The following DUOX1 variants were observed in gnomAD, a reference collection of about 807,000 sequenced individuals.
DUOX1 encodes dual oxidase 1, also known as NADPH thyroid oxidase 1.
In DUOX1, 134 loss-of-function variants were observed where a neutral mutation model predicts 181.8. The ratio of observed to expected loss-of-function variants is 0.74; its 90% CI spans 0.64 to 0.85. The LOEUF is 0.85. Ranked by LOEUF, DUOX1 falls within the 40% of genes least tolerant of loss-of-function variation. The probability of loss-of-function intolerance (pLI) is 0.00; values close to 1 mark genes in which losing one functional copy is unlikely to be tolerated. For missense variants in DUOX1, 1,814 were observed against 2,064.4 expected (o/e 0.88, Z 2.35); for synonymous variants, 798 against 832.5 (o/e 0.96, Z 0.71).
At chr15:45,162,416 T>C (rs774594824) in intron 31 of DUOX1, 39 bp downstream of exon 31, 27 of 1,596,864 alleles carry the variant, frequency 1.7e-5, no homozygotes, top group Non-Finnish European at 2.2e-5. Context: ...CCATGGCCCC[T>C]TCTTCCTTGT....
Position 45,153,972 on chromosome 15 carries a change from T to C in DUOX1, c.3546T>C (p.Tyr1182=). The change falls in exon 27 of 34, where the codon TAT becomes TAC. Residue 1182 remains tyrosine (Y), a synonymous_variant. Coordinates refer to ENST00000389037, the MANE Select transcript of DUOX1 (RefSeq NM_175940.3). ...ACAGGTCTGAGCTCCCCCAGAAGTATTACTGGTGGTTCTTCCAGACCGTAC... is the reference window on the plus strand; with the variant it reads ...ACAGGTCTGAGCTCCCCCAGAAGTACTACTGGTGGTTCTTCCAGACCGTAC... ...HDDGSELPQK[Y]YWWFFQTVPG... is the part of the protein sequence containing the mutation. 6.2e-7 allele frequency: 1 copy of C among 1,613,374 alleles called. No individual in the cohort carries two copies. The highest frequency in any genetic ancestry group is 8.5e-7 in the Non-Finnish European group (1 of 1,179,404).
intron 5 of DUOX1, 89 bp from the exon 6 acceptor site, chr15:45,135,385 C>T: frequency 6.7e-7 from 1 of 1,499,426 alleles, no homozygotes; most frequent in African/African-American, 1.4e-5. Flanking sequence ...GAGGCGCCCA[C>T]TCCCCAGCCG....
intron 28 of DUOX1, among the ~76,000 whole-genome samples, chr15:45,159,076 A>C (rs1239316633): frequency 6.6e-5 from 10 of 152,200 alleles, no homozygotes; most frequent in Admixed American, 4.6e-4. Context: ...GGTAAAAGGA[A>C]GGGCATGAGC....
chr15:45,130,844 G>A (rs1008177191), intron 1 of DUOX1, among the ~76,000 whole-genome samples: 43 of 152,200 alleles, frequency 2.8e-4, no homozygotes, highest in African/African-American at 9.9e-4. Flanking sequence ...ATGACATCTT[G>A]GGATCAGGGA....
intron 29 of DUOX1, among the ~76,000 whole-genome samples, 167 bp from the exon 30 acceptor site, chr15:45,161,571 C>A (rs866273435): frequency 4.6e-5 from 7 of 152,064 alleles, no homozygotes; most frequent in Admixed American, 2.6e-4. Context: ...CCTGGCTGAC[C>A]CTCAGCCCCA....
At chr15:45,153,779 G>T in intron 26 of DUOX1, 172 bp from the exon 27 acceptor site, 5 of 655,486 alleles carry the variant, frequency 7.6e-6, no homozygotes, top group Non-Finnish European at 1.1e-5. Context: ...CCCAGCTACT[G>T]GGGAGGCTGA....
intron 21 of DUOX1, 62 bp downstream of exon 21, chr15:45,148,509 A>G (rs1896719720): frequency 3.9e-6 from 6 of 1,522,468 alleles, no homozygotes; most frequent in South Asian, 1.3e-5. Context: ...CAATGCCCAC[A>G]TACTTTTAGG....
chr15:45,137,360 C>CAAAAAAAAAAA (rs748162336), intron 9 of DUOX1, among the ~76,000 whole-genome samples: 1 of 46,472 alleles, frequency 2.2e-5, no homozygotes, highest in Non-Finnish European at 3.6e-5. Flanking sequence ...AACTCCATCT[C>CAAAAAAAAAAA]AAAAAAAAAA....
In DUOX1 at chr15:45,144,062, C is replaced by T. The variant is rs779269981; in HGVS notation, c.1963C>T (p.Pro655Ser). The T allele has an allele frequency of 7.4e-6, 12 of 1,614,034 alleles. No homozygotes were observed. In the South Asian group the frequency reaches 1.2e-4, roughly 16 times the overall value. The change falls in exon 17 of 34, where the codon CCC becomes TCC. Residue 655 changes from proline to serine, a missense_variant. Physicochemically the swap from Pro to Ser is moderately conservative, Grantham distance 74 (BLOSUM62 -1). Coordinates refer to ENST00000389037, the MANE Select transcript of DUOX1 (RefSeq NM_175940.3). ...TTTGGAATGGCAAGGCCACAAGGAG[C>T]CCTGCCGGCCCGTGCTTGTGTACCT... The part of the protein sequence containing the change: ...EALEWQGHKE[P>S]CRPVLVYLQP...
rs756922124 is a variant in DUOX1, at chr15:45,163,675, G to A, written c.4392G>A (p.Arg1464=). The A allele has an allele frequency of 6.2e-7, 1 of 1,613,980 alleles. No individual in the cohort carries two copies. The highest frequency in any genetic ancestry group is 1.3e-5 in the African/African-American group (1 of 74,888). ...AGCTGGCTGAGAAGTTCGACCTCAG[G>A]ACCACTATGCTGGTATGTCAGGGCC... is the stretch of plus-strand genomic sequence containing the variant. ...ITQLAEKFDL[R]TTMLYICERH... Residue 1464 remains arginine, a synonymous_variant, in exon 32 of 34, where the codon AGG becomes AGA. Transcript: ENST00000389037.
rs1010055785 is a variant in DUOX1, at chr15:45,139,619, C to T, written c.1389+20C>T. 5.2e-6 allele frequency: 8 copies of T among 1,540,726 alleles called. No individual in the cohort carries two copies. The highest frequency in any genetic ancestry group is 6.1e-6 in the Non-Finnish European group (7 of 1,143,850). On this transcript the variant is annotated intron_variant, in intron 12 of 33. Transcript: ENST00000389037. Reference sequence around the variant, plus strand: ...GACACTGTGAGGAGGGGTCAGGACCCAGAGGGTAGGGCGGGAGGGACAAGG... The same window carrying T: ...GACACTGTGAGGAGGGGTCAGGACCTAGAGGGTAGGGCGGGAGGGACAAGG...
intron 12 of DUOX1, among the ~76,000 whole-genome samples, chr15:45,140,264 G>T (rs958172759): frequency 6.6e-6 from 1 of 152,126 alleles, no homozygotes; most frequent in Non-Finnish European, 1.5e-5. Context: ...GGAAAGTGGG[G>T]ATTTGAAAGG....
At position 45,135,540 on chromosome 15, in the gene DUOX1, G is replaced by A; in HGVS notation, c.562G>A (p.Ala188Thr). ...IYGSSHSWSDALRSFSRGQLA... is the reference protein window; with the variant it reads ...IYGSSHSWSDTLRSFSRGQLA... ...TGGTTCCTCGCATTCCTGGAGCGAC[G>A]CGCTGCGGAGCTTCTCCAGGGGACA... Residue 188 changes from alanine to threonine, a missense_variant, in exon 6 of 34, where the codon GCG becomes ACG. By Grantham distance (58) the Ala-to-Thr change is moderately conservative (BLOSUM62 0). Coordinates refer to ENST00000389037, the MANE Select transcript of DUOX1 (RefSeq NM_175940.3). 3.2e-6 allele frequency: 5 copies of A among 1,558,240 alleles called. No homozygotes were observed. The South Asian group carries it at 4.7e-5, about 15-fold the overall frequency.
Position 45,153,469 on chromosome 15 carries a change from C to T in DUOX1, c.3514C>T (p.His1172Tyr), listed in dbSNP as rs1204793738. 15 of 1,611,870 alleles carry T rather than the reference C, an allele frequency of 9.3e-6. No homozygotes were observed. Among genetic ancestry groups the T allele is most frequent in the African/African-American group, 2.7e-5 (2 of 74,088 alleles). Residue 1172 changes from histidine to tyrosine, a missense_variant, in exon 26 of 34, where the codon CAT becomes TAT. By Grantham distance (83) the His-to-Tyr change is moderately conservative (BLOSUM62 2). Around this residue, in one of 5 missense-constraint regions of DUOX1, gnomAD observed 279 missense variants for 381.9 expected, o/e 0.73. Transcript: ENST00000389037. ...VLSCLFPGLF[H>Y]DDGSELPQKY... ...CTCTTGCCTCTTTCCTGGCCTCTTC[C>T]ATGATGATGGGTGAGTAAGTGCGAA...
chr15:45,150,987 C>A, intron 22 of DUOX1, 136 bp from the exon 23 acceptor site: 1 of 1,268,906 alleles, frequency 7.9e-7, no homozygotes, highest in Non-Finnish European at 1.1e-6. Flanking sequence ...CTATAGGTGA[C>A]TGTGGGAATC....
chr15:45,158,685 G>A (rs1177536444), intron 28 of DUOX1, among the ~76,000 whole-genome samples: 2 of 108,906 alleles, frequency 1.8e-5, no homozygotes, highest in Non-Finnish European at 3.3e-5. Flanking sequence ...CTGGGTGACA[G>A]CGAGACTTCC....
rs1209799159 is a variant in DUOX1, at chr15:45,161,910, C to G, written c.4029C>G (p.Thr1343=). ...ACATCCGGGCAGCAGGGCCCTGGAC[C>G]ACTCGCCTCAGGGAGATCTACTCAG... ...SLHIRAAGPW[T]TRLREIYSAP... The change falls in exon 30 of 34, where the codon ACC becomes ACG. Residue 1343 remains threonine, a synonymous_variant. Coordinates refer to ENST00000389037, the MANE Select transcript of DUOX1 (RefSeq NM_175940.3). 6.2e-7 allele frequency: 1 copy of G among 1,613,134 alleles called. No homozygotes were observed. The highest frequency in any genetic ancestry group is 2.2e-5 in the East Asian group (1 of 44,838).
chr15:45,163,193 C>G (rs975029675), intron 31 of DUOX1, among the ~76,000 whole-genome samples: 1 of 152,204 alleles, frequency 6.6e-6, no homozygotes, highest in Admixed American at 6.5e-5. Flanking sequence ...GCCCTTTAGC[C>G]ACTAGGTGCC....
rs1428881333 is a variant in DUOX1 at position 45,147,452 on chromosome 15, C to G, written c.2342C>G (p.Ala781Gly). The change falls in exon 19 of 34, where the codon GCC becomes GGC. Residue 781 changes from alanine (A) to glycine (G), a missense_variant. This residue lies in a region of DUOX1 where 1,064 missense variants were observed against 1,152.9 expected (regional missense o/e 0.92). Coordinates refer to ENST00000389037, the MANE Select transcript of DUOX1 (RefSeq NM_175940.3). ...LFSQVLDINQ[A>G]DAGTLPLDSS... is the part of the protein sequence containing the mutation. ...GTGCAGGTGCTGGACATCAACCAGGCCGACGCAGGGACCCTGCCCCTGGAC... is the reference window on the plus strand; with the variant it reads ...GTGCAGGTGCTGGACATCAACCAGGGCGACGCAGGGACCCTGCCCCTGGAC... 2.5e-6 allele frequency: 4 copies of G among 1,613,688 alleles called. No homozygotes were observed. The highest frequency in any genetic ancestry group is 3.4e-6 in the Non-Finnish European group (4 of 1,179,824).
Sources: gnomAD v4.1 joint callset for allele counts (sites outside exome capture counted in the v4.1 genomes callset) on GRCh38, gnomAD v4.1.1 for gene constraint, gnomAD v4.1.1 regional missense constraint, MANE v1.5 for transcripts, NCBI Gene and HGNC (gene_info 2026-07-23, HGNC 2026-07-21) for gene names.